The following PRP4K variants were observed in gnomAD, a reference collection of about 807,000 sequenced individuals.
PRP4K encodes serine/threonine-protein kinase PRP4 homolog.
the PRP4K span, chr6:4,061,621 T>A: frequency 8.5e-5 from 13 of 152,680 alleles, no homozygotes; most frequent in Admixed American, 8.5e-4. Context: ...TTCATTGTTT[T>A]CATTATTTGT....
the PRP4K span, among the ~76,000 whole-genome samples, chr6:4,036,671 C>G: frequency 6.6e-6 from 1 of 152,058 alleles, no homozygotes; most frequent in Non-Finnish European, 1.5e-5. Flanking sequence ...ACCATTGTGC[C>G]TGGCCTATTA....
At chr6:4,058,889 T>TA in the PRP4K span, 15,657 of 1,082,760 alleles carry the variant, frequency 0.014, 1 homozygote, top group South Asian at 0.021. Context: ...GCTGGTGAAT[T>TA]AAAAAAAAAA....
chr6:4,043,089 A>T, the PRP4K span, among the ~76,000 whole-genome samples: 1 of 152,212 alleles, frequency 6.6e-6, no homozygotes, highest in Non-Finnish European at 1.5e-5. Context: ...TTTAATTATA[A>T]GGTTTGGTGA....
At chr6:4,031,746 A>G in the PRP4K span, 1 of 1,602,602 alleles carries the variant, frequency 6.2e-7, no homozygotes, top group South Asian at 1.1e-5. Flanking sequence ...TAAACATAAG[A>G]AACACAAAAG....
chr6:4,053,705 G>A, the PRP4K span, among the ~76,000 whole-genome samples: 3 of 151,980 alleles, frequency 2.0e-5, no homozygotes, highest in African/African-American at 7.3e-5. Context: ...GGTCGTGTTC[G>A]CAACTTGGAG....
At chr6:4,035,972 T>A in the PRP4K span, among the ~76,000 whole-genome samples, 1 of 151,628 alleles carries the variant, frequency 6.6e-6, no homozygotes, top group Non-Finnish European at 1.5e-5. Flanking sequence ...TCTCAAAAAA[T>A]AATAATAATA....
the PRP4K span, among the ~76,000 whole-genome samples, chr6:4,042,913 T>C: frequency 6.6e-6 from 1 of 152,222 alleles, no homozygotes; most frequent in Non-Finnish European, 1.5e-5. Flanking sequence ...TTATGCATGT[T>C]ACTGTGTGAA....
At chr6:4,035,274 C>T in the PRP4K span, among the ~76,000 whole-genome samples, 11 of 130,148 alleles carry the variant, frequency 8.5e-5, no homozygotes, top group South Asian at 2.6e-4. Flanking sequence ...TGCGCCACCA[C>T]GCCCGGCTAA....
At chr6:4,022,461 T>TG in the PRP4K span, among the ~76,000 whole-genome samples, 105,390 of 150,520 alleles carry the variant, frequency 0.7, 37,034 homozygotes, top group East Asian at 0.77. Context: ...CCGTTTTTTT[T>TG]TTTTGTTTTG....
the PRP4K span, chr6:4,058,898 AAC>A: frequency 8.9e-7 from 1 of 1,122,752 alleles, no homozygotes; most frequent in South Asian, 1.6e-5. Context: ...TTAAAAAAAA[AAC>A]AAAAACCCAA....
the PRP4K span, chr6:4,048,989 C>T: frequency 6.4e-7 from 1 of 1,559,724 alleles, no homozygotes; most frequent in South Asian, 1.1e-5. Context: ...AGTGGGTAAA[C>T]TGTTCATGTT....
chr6:4,040,759 C>G, the PRP4K span: 1 of 1,610,972 alleles, frequency 6.2e-7, no homozygotes, highest in Non-Finnish European at 8.5e-7. Flanking sequence ...CCTGTCTTTT[C>G]TTCTTTAAAT....
the PRP4K span, chr6:4,052,835 A>G: frequency 6.2e-7 from 1 of 1,613,200 alleles, no homozygotes; most frequent in Non-Finnish European, 8.5e-7. Context: ...TAAAAGATGC[A>G]ATATCCTACA....
the PRP4K span, chr6:4,037,248 C>A: frequency 1.5e-6 from 1 of 655,788 alleles, no homozygotes; most frequent in Non-Finnish European, 2.4e-6. Context: ...TCACTGTAGT[C>A]ACCTGAGTAA....
At chr6:4,064,360 T>TA in the PRP4K span, 1 of 152,588 alleles carries the variant, frequency 6.6e-6, no homozygotes, top group African/African-American at 2.4e-5. Context: ...GCATTCCTCT[T>TA]ATGCTTTACC....
chr6:4,037,922 C>A, the PRP4K span, among the ~76,000 whole-genome samples: 2 of 150,620 alleles, frequency 1.3e-5, no homozygotes, highest in Non-Finnish European at 2.9e-5. Flanking sequence ...CAGTTTCTTA[C>A]ATTTTATATT....
At chr6:4,060,210 G>C in the PRP4K span, among the ~76,000 whole-genome samples, 1 of 152,128 alleles carries the variant, frequency 6.6e-6, no homozygotes, top group East Asian at 1.9e-4. This position sits in a 1 kb window ranked among gnomAD's most constrained non-coding sequence, Gnocchi z 4.7. Flanking sequence ...ATAGAAAAGG[G>C]AGAGCAAAAA....
the PRP4K span, chr6:4,062,546 T>A: frequency 6.6e-6 from 1 of 152,626 alleles, no homozygotes; most frequent in African/African-American, 2.4e-5. This position sits in a 1 kb window ranked among gnomAD's most constrained non-coding sequence, Gnocchi z 4.2. Flanking sequence ...GGGATTTTTT[T>A]ATTCACCCAG....
the PRP4K span, chr6:4,032,840 G>GAT: frequency 1.5e-6 from 2 of 1,326,330 alleles, no homozygotes; most frequent in East Asian, 5.2e-5. Context: ...CATTAAAAAT[G>GAT]AAGTAGTAAG....
Sources: allele counts gnomAD v4.1 joint callset (sites outside exome capture counted in the v4.1 genomes callset), GRCh38; gene constraint gnomAD v4.1.1; non-coding constraint Gnocchi (gnomAD v3.1); transcripts MANE v1.5; gene names NCBI Gene and HGNC (gene_info 2026-07-23, HGNC 2026-07-21).